The following LYPLAL1 variants were observed in gnomAD, a reference collection of about 807,000 sequenced individuals.
The protein encoded by LYPLAL1 is lysophospholipase-like protein 1.
In LYPLAL1, 23 loss-of-function variants were observed where a neutral mutation model predicts 19.7. That is an observed-to-expected ratio of 1.17 (90% CI 0.84 to 1.65). The LOEUF is 1.65. Ranked by LOEUF, LYPLAL1 falls within the 40% of genes most tolerant of loss-of-function variation. LYPLAL1 has a pLI of 0.00. For synonymous variants in LYPLAL1, 119 were observed against 96.3 expected (o/e 1.24, Z -1.38); for missense variants, 355 against 279.4 (o/e 1.27, Z -1.93).
At chr1:219,268,990 C>A in the LYPLAL1 span, among the ~76,000 whole-genome samples, 1 of 152,144 alleles carries the variant, frequency 6.6e-6, no homozygotes, top group Non-Finnish European at 1.5e-5. Flanking sequence ...GTAATTAAAC[C>A]CCCTTTCCTG....
chr1:219,259,523 G>A, the LYPLAL1 span, among the ~76,000 whole-genome samples: 2 of 151,410 alleles, frequency 1.3e-5, no homozygotes, highest in Admixed American at 6.6e-5. Flanking sequence ...ATTATTCTAA[G>A]TGAATTAACT....
At chr1:219,354,416 G>A in the LYPLAL1 span, among the ~76,000 whole-genome samples, 15 of 152,208 alleles carry the variant, frequency 9.9e-5, no homozygotes, top group African/African-American at 3.1e-4. Flanking sequence ...GACTGGTCTC[G>A]AACTCCTGAC....
the LYPLAL1 span, among the ~76,000 whole-genome samples, chr1:219,264,276 T>A: frequency 6.6e-6 from 1 of 152,086 alleles, no homozygotes; most frequent in Non-Finnish European, 1.5e-5. Flanking sequence ...AGACCACCAA[T>A]TGGGTGGACA....
At chr1:219,225,670 T>C in the LYPLAL1 span, among the ~76,000 whole-genome samples, 16 of 152,340 alleles carry the variant, frequency 1.1e-4, no homozygotes, top group African/African-American at 3.6e-4. Flanking sequence ...CTGAGAGTTA[T>C]TGGTCTGTTC....
Position 219,211,790 on chromosome 1 carries a change from C to A in LYPLAL1, c.*62C>A. The A allele has an allele frequency of 3.9e-6, 4 of 1,029,478 alleles. No homozygotes were observed. Among genetic ancestry groups the A allele is most frequent in the South Asian group, 3.4e-5 (2 of 59,648 alleles). The allele number at this position is 1,029,478 out of a possible 1,614,324, so 63.8% of individuals were successfully genotyped here. ...TCTTTGTGAAAAGTGATTTTTACTG[C>A]CAAATTATAATGATAATTAAAATAT... On this transcript the variant is annotated 3_prime_UTR_variant, in exon 5 of 5. Transcript: ENST00000366928.
At chr1:219,423,037 G>A in the LYPLAL1 span, among the ~76,000 whole-genome samples, 196 of 152,192 alleles carry the variant, frequency 1.3e-3, no homozygotes, top group African/African-American at 4.5e-3. Context: ...GAAAACCCCT[G>A]ACCATACTTT....
At chr1:219,226,082 T>C in the LYPLAL1 span, among the ~76,000 whole-genome samples, 1 of 152,224 alleles carries the variant, frequency 6.6e-6, no homozygotes, top group Non-Finnish European at 1.5e-5. Flanking sequence ...GTTCTCCATG[T>C]TTCTGTATTC....
At chr1:219,299,512 G>T in the LYPLAL1 span, among the ~76,000 whole-genome samples, 1 of 152,132 alleles carries the variant, frequency 6.6e-6, no homozygotes, top group Non-Finnish European at 1.5e-5. Context: ...AGCCTAATAG[G>T]TAACGGGGTG....
At chr1:219,303,254 C>G in the LYPLAL1 span, among the ~76,000 whole-genome samples, 32 of 152,190 alleles carry the variant, frequency 2.1e-4, no homozygotes, top group Non-Finnish European at 3.7e-4. Flanking sequence ...AGGCACTGAT[C>G]TAGTTACTCA....
At chr1:219,288,446 T>C in the LYPLAL1 span, among the ~76,000 whole-genome samples, 1 of 152,148 alleles carries the variant, frequency 6.6e-6, no homozygotes, top group Non-Finnish European at 1.5e-5. Context: ...AAGAAAAAGA[T>C]CAGTGACTGC....
At chr1:219,364,486 G>A in the LYPLAL1 span, among the ~76,000 whole-genome samples, 1 of 151,906 alleles carries the variant, frequency 6.6e-6, no homozygotes, top group Non-Finnish European at 1.5e-5. Context: ...TCTCTCTAAT[G>A]TAGCCACTAC....
At chr1:219,236,745 G>C in the LYPLAL1 span, among the ~76,000 whole-genome samples, 60 of 152,248 alleles carry the variant, frequency 3.9e-4, no homozygotes, top group Non-Finnish European at 7.8e-4. Flanking sequence ...GCCTGTAAGA[G>C]AAATCACCTT....
chr1:219,260,507 A>C, the LYPLAL1 span, among the ~76,000 whole-genome samples: 1 of 151,584 alleles, frequency 6.6e-6, no homozygotes, highest in African/African-American at 2.4e-5. Context: ...AATTACAAGA[A>C]ATACTTGATA....
the LYPLAL1 span, among the ~76,000 whole-genome samples, chr1:219,412,422 A>T: frequency 2.6e-5 from 4 of 152,206 alleles, no homozygotes; most frequent in African/African-American, 9.6e-5. Flanking sequence ...TATTTCTACA[A>T]AACATACTAT....
At chr1:219,424,119 GA>G in the LYPLAL1 span, among the ~76,000 whole-genome samples, 1 of 151,334 alleles carries the variant, frequency 6.6e-6, no homozygotes, top group Non-Finnish European at 1.5e-5. Context: ...AGATTTACTA[GA>G]AAAAATTGCA....
At chr1:219,267,926 G>T in the LYPLAL1 span, among the ~76,000 whole-genome samples, 1 of 152,144 alleles carries the variant, frequency 6.6e-6, no homozygotes, top group Non-Finnish European at 1.5e-5. Context: ...TTTAACAGGG[G>T]TTCCATGTGA....
the LYPLAL1 span, among the ~76,000 whole-genome samples, chr1:219,231,126 T>C: frequency 6.6e-6 from 1 of 152,232 alleles, no homozygotes; most frequent in South Asian, 2.1e-4. Context: ...TGCTGGTATA[T>C]TGAAATGTTT....
intron 1 of LYPLAL1, chr1:219,174,937 A>C: frequency 3.0e-6 from 3 of 985,468 alleles, no homozygotes; most frequent in Non-Finnish European, 3.6e-6. Flanking sequence ...AAGAGAAAAA[A>C]ATGTGGTTAG....
chr1:219,226,081 G>A, the LYPLAL1 span, among the ~76,000 whole-genome samples: 2 of 152,136 alleles, frequency 1.3e-5, no homozygotes, highest in Non-Finnish European at 2.9e-5. Flanking sequence ...TGTTCTCCAT[G>A]TTTCTGTATT....
Sources: allele counts gnomAD v4.1 joint callset (sites outside exome capture counted in the v4.1 genomes callset), GRCh38; gene constraint gnomAD v4.1.1; transcripts MANE v1.5; gene names NCBI Gene and HGNC (gene_info 2026-07-23, HGNC 2026-07-21).